PARD3B: variants seen among roughly 807,000 people sequenced by gnomAD.
PARD3B encodes par-3 family cell polarity regulator beta.
A neutral mutation model predicts 130.2 loss-of-function variants in PARD3B; 103 were observed. The observed-to-expected ratio is 0.79, with a 90% CI of 0.67 to 0.93. The LOEUF is 0.93. PARD3B is among the 40% of genes least tolerant of loss of function. PARD3B has a pLI of 0.00. For missense variants in PARD3B, 1,609 were observed against 1,499.2 expected (o/e 1.07, Z -1.21); for synonymous variants, 583 against 553.2 (o/e 1.05, Z -0.76).
chr2:205,172,494 G>A (rs922033827), intron 12 of PARD3B, 113 bp downstream of exon 12: 2 of 1,063,228 alleles, frequency 1.9e-6, no homozygotes, highest in Non-Finnish European at 2.7e-6. Flanking sequence ...TGCCCCAGAA[G>A]GGCTTTGATG....
chr2:204,860,361 G>C (rs1031839527), intron 2 of PARD3B, among the ~76,000 whole-genome samples: 9 of 152,162 alleles, frequency 5.9e-5, no homozygotes, highest in African/African-American at 2.2e-4. Context: ...CTCTCTTCTG[G>C]TGAGACAGCC....
chr2:205,140,729 T>C (rs1040183044), intron 10 of PARD3B, among the ~76,000 whole-genome samples: 1 of 152,184 alleles, frequency 6.6e-6, no homozygotes, highest in Non-Finnish European at 1.5e-5. Flanking sequence ...TTAAAAGATA[T>C]ATGCATATTG....
At chr2:205,395,909 C>T (rs192171249) in intron 18 of PARD3B, among the ~76,000 whole-genome samples, 11 of 152,172 alleles carry the variant, frequency 7.2e-5, no homozygotes, top group East Asian at 1.9e-4. Flanking sequence ...AGCTTCTCTG[C>T]GCCTTGAATG....
At chr2:204,802,983 T>C (rs2042625909) in intron 2 of PARD3B, among the ~76,000 whole-genome samples, 2 of 148,852 alleles carry the variant, frequency 1.3e-5, no homozygotes, top group African/African-American at 5.0e-5. Flanking sequence ...GAAACTAAAG[T>C]ATAATAATAA....
At chr2:205,415,398 T>G (rs1344175472) in intron 19 of PARD3B, among the ~76,000 whole-genome samples, 1 of 152,130 alleles carries the variant, frequency 6.6e-6, no homozygotes, top group Non-Finnish European at 1.5e-5. Flanking sequence ...ACCAGAACAT[T>G]TTACAAAATG....
At chr2:204,946,714 G>A (rs941036562) in intron 2 of PARD3B, among the ~76,000 whole-genome samples, 3 of 152,138 alleles carry the variant, frequency 2.0e-5, no homozygotes, top group Admixed American at 1.3e-4. Flanking sequence ...CATGATTAGG[G>A]AAATGGAGAA....
chr2:205,242,356 A>T (rs1241001588), intron 15 of PARD3B, among the ~76,000 whole-genome samples: 1 of 152,254 alleles, frequency 6.6e-6, no homozygotes, highest in African/African-American at 2.4e-5. Context: ...TAAGCCTAAT[A>T]TGGCCAGGGA....
chr2:205,036,150 T>A (rs1033429457), intron 3 of PARD3B, among the ~76,000 whole-genome samples: 2 of 145,870 alleles, frequency 1.4e-5, no homozygotes, highest in East Asian at 2.0e-4. Flanking sequence ...TATATATATA[T>A]AAAAAATATG....
chr2:205,118,087 G>C (rs2030111379), intron 6 of PARD3B, among the ~76,000 whole-genome samples: 1 of 152,138 alleles, frequency 6.6e-6, no homozygotes, highest in Non-Finnish European at 1.5e-5. Flanking sequence ...TGAAATTTTG[G>C]ACAACTCTTC....
intron 21 of PARD3B, among the ~76,000 whole-genome samples, chr2:205,549,355 A>T (rs971139867): frequency 6.6e-6 from 1 of 152,212 alleles, no homozygotes; most frequent in Non-Finnish European, 1.5e-5. Context: ...TTACGTCTTT[A>T]TTCATAATTG....
At chr2:204,880,750 A>T (rs1383547747) in intron 2 of PARD3B, among the ~76,000 whole-genome samples, 1 of 151,992 alleles carries the variant, frequency 6.6e-6, no homozygotes, top group Non-Finnish European at 1.5e-5. Context: ...CTGCACACAA[A>T]TGACTTTTGC....
In PARD3B at chr2:205,239,961, T is replaced by C. The variant is rs981586501; in HGVS notation, c.2141-5817T>C. ...GTGTGTGTGGGTGTGGGTGTGTGTT[T>C]GTGTGTGTGTGTGTTTCAATAGATG... On this transcript the variant is annotated intron_variant, in intron 15 of 22. Transcript: ENST00000406610. Among the ~76,000 whole-genome samples, 6 of 151,774 alleles carry C rather than the reference T, an allele frequency of 4.0e-5. No individual in the cohort carries two copies. In the South Asian group the frequency reaches 1.0e-3, roughly 26 times the overall value.
chr2:205,145,210 T>C (rs2033262885), intron 10 of PARD3B, among the ~76,000 whole-genome samples: 1 of 152,154 alleles, frequency 6.6e-6, no homozygotes, highest in Non-Finnish European at 1.5e-5. Flanking sequence ...ATTTCTACTC[T>C]ACTGGTTTAA....
At chr2:204,892,338 C>T (rs1406432795) in intron 2 of PARD3B, among the ~76,000 whole-genome samples, 1 of 152,124 alleles carries the variant, frequency 6.6e-6, no homozygotes, top group African/African-American at 2.4e-5. Flanking sequence ...TTGTGGGCCA[C>T]ATTGAGGATG....
chr2:205,474,628 A>G (rs1343556718), intron 20 of PARD3B, among the ~76,000 whole-genome samples: 1 of 152,158 alleles, frequency 6.6e-6, no homozygotes, highest in Non-Finnish European at 1.5e-5. Flanking sequence ...GCACCTTTAT[A>G]AAATATTTTG....
chr2:205,299,827 T>C (rs894573593), intron 16 of PARD3B, among the ~76,000 whole-genome samples: 2 of 152,222 alleles, frequency 1.3e-5, no homozygotes, highest in Non-Finnish European at 2.9e-5. Flanking sequence ...AGATACCAAA[T>C]AGGAATACAT....
intron 20 of PARD3B, among the ~76,000 whole-genome samples, chr2:205,499,316 T>TAA (rs35087383): frequency 9.6e-5 from 14 of 145,400 alleles, no homozygotes; most frequent in African/African-American, 1.0e-4. Flanking sequence ...TCCCCCACCT[T>TAA]AAAAAAAAAA....
intron 21 of PARD3B, among the ~76,000 whole-genome samples, chr2:205,513,845 A>G (rs1314413210): frequency 6.6e-6 from 1 of 152,112 alleles, no homozygotes; most frequent in Middle Eastern, 3.2e-3. Flanking sequence ...GCAGGAATAA[A>G]TTGATAAGCG....
intron 2 of PARD3B, among the ~76,000 whole-genome samples, chr2:204,824,310 A>C (rs1027809918): frequency 6.6e-6 from 1 of 152,188 alleles, no homozygotes; most frequent in Non-Finnish European, 1.5e-5. Flanking sequence ...GAGCCTCTGC[A>C]CAGCTGCAAT....
Sources: gnomAD v4.1 joint callset for allele counts (sites outside exome capture counted in the v4.1 genomes callset) on GRCh38, gnomAD v4.1.1 for gene constraint, MANE v1.5 for transcripts, NCBI Gene and HGNC (gene_info 2026-07-23, HGNC 2026-07-21) for gene names.